Variants in PLXDC2 observed in about 807,000 individuals in gnomAD.
PLXDC2 encodes plexin domain-containing protein 2.
Under a neutral mutation model 68.9 loss-of-function variants are expected in PLXDC2, and 40 were observed. The ratio of observed to expected loss-of-function variants is 0.58; its 90% CI spans 0.45 to 0.76. The LOEUF (loss-of-function observed/expected upper bound fraction) is 0.76. Among genes scored for constraint, PLXDC2 ranks in the 30% least tolerant of loss-of-function variants. The probability of loss-of-function intolerance (pLI) is 0.00; values close to 1 mark genes in which losing one functional copy is unlikely to be tolerated. For synonymous variants in PLXDC2, 243 were observed against 234.2 expected, an observed-to-expected ratio of 1.04 and a Z score of -0.34; for missense variants, 644 against 661.9, an observed-to-expected ratio of 0.97 and a Z score of 0.30.
At chr10:19,886,912 GTC>G (rs1322729956) in intron 1 of PLXDC2, among the ~76,000 whole-genome samples, 1 of 152,186 alleles carries the variant, frequency 6.6e-6, no homozygotes, top group African/African-American at 2.4e-5. Flanking sequence ...TCTGTATTCA[GTC>G]TCTTATGCTA....
At chr10:20,022,590 G>A (rs10827932) in intron 2 of PLXDC2, among the ~76,000 whole-genome samples, 60,532 of 151,778 alleles carry the variant, frequency 0.4, 12,092 homozygotes, top group African/African-American at 0.43. Context: ...GCTTTCTAGA[G>A]TAAGGATTAG....
At chr10:20,171,378 C>T (rs1335192338) in intron 7 of PLXDC2, among the ~76,000 whole-genome samples, 1 of 152,118 alleles carries the variant, frequency 6.6e-6, no homozygotes, top group Non-Finnish European at 1.5e-5. Context: ...GATAAAATTG[C>T]TTCTCTTAAC....
intron 6 of PLXDC2, among the ~76,000 whole-genome samples, chr10:20,161,895 G>T (rs924289644): frequency 1.3e-5 from 2 of 151,986 alleles, no homozygotes; most frequent in African/African-American, 2.4e-5. Flanking sequence ...GCTGGGCGCA[G>T]TGTCACTTGC....
At chr10:19,934,395 C>T (rs1329050446) in intron 1 of PLXDC2, among the ~76,000 whole-genome samples, 2 of 152,166 alleles carry the variant, frequency 1.3e-5, no homozygotes, top group Non-Finnish European at 2.9e-5. Context: ...TTGGTACTTC[C>T]GTGTAATGAC....
chr10:20,088,168 ACT>A (rs1474519944), intron 4 of PLXDC2, among the ~76,000 whole-genome samples: 1 of 152,160 alleles, frequency 6.6e-6, no homozygotes, highest in Non-Finnish European at 1.5e-5. Context: ...ATCTACTTTA[ACT>A]CTGCTTCTGA....
At chr10:20,228,856 AG>A (rs1265347492) in intron 12 of PLXDC2, among the ~76,000 whole-genome samples, 7 of 152,152 alleles carry the variant, frequency 4.6e-5, no homozygotes, top group Non-Finnish European at 1.0e-4. Flanking sequence ...GCTGCAGACA[AG>A]TCAAGTTAAA....
intron 1 of PLXDC2, among the ~76,000 whole-genome samples, chr10:19,910,529 A>C (rs1417847980): frequency 6.7e-6 from 1 of 149,388 alleles, no homozygotes; most frequent in Non-Finnish European, 1.5e-5. Flanking sequence ...TAGAGCTCTG[A>C]TAACTACCCT....
intron 2 of PLXDC2, among the ~76,000 whole-genome samples, chr10:20,023,064 G>A (rs899685292): frequency 1.4e-5 from 2 of 148,142 alleles, no homozygotes; most frequent in Admixed American, 6.8e-5. Context: ...TTTTGGAAAA[G>A]TAATGGCATT....
intron 1 of PLXDC2, among the ~76,000 whole-genome samples, chr10:19,912,418 G>C (rs1833290420): frequency 6.6e-6 from 1 of 152,146 alleles, no homozygotes; most frequent in Admixed American, 6.6e-5. Context: ...AACATGAAGA[G>C]AATGGGACTT....
At chr10:19,994,270 TTTTTTTAACCA>T (rs1834802647) in intron 1 of PLXDC2, among the ~76,000 whole-genome samples, 2 of 132,388 alleles carry the variant, frequency 1.5e-5, no homozygotes, top group South Asian at 2.3e-4. Context: ...TTTTTTTTTT[TTTTTTTAACCA>T]TTTTCTCTGA....
intron 1 of PLXDC2, among the ~76,000 whole-genome samples, chr10:19,855,735 A>G (rs184798065): frequency 9.2e-5 from 14 of 152,298 alleles, no homozygotes; most frequent in Admixed American, 4.6e-4. Context: ...TCTATATTAA[A>G]TAAACTAATA....
chr10:19,820,761 A>C (rs534144876), intron 1 of PLXDC2, among the ~76,000 whole-genome samples: 1 of 151,940 alleles, frequency 6.6e-6, no homozygotes, highest in South Asian at 2.1e-4. Context: ...GTTGATCAAC[A>C]GCCTTGATCA....
intron 7 of PLXDC2, among the ~76,000 whole-genome samples, chr10:20,171,144 A>G (rs1043404694): frequency 2.0e-5 from 3 of 152,142 alleles, no homozygotes; most frequent in African/African-American, 7.2e-5. Context: ...TACGAAAAAT[A>G]CAAATAATCT....
intron 1 of PLXDC2, among the ~76,000 whole-genome samples, chr10:19,821,421 G>A (rs1836464328): frequency 6.6e-6 from 1 of 152,220 alleles, no homozygotes; most frequent in Non-Finnish European, 1.5e-5. Flanking sequence ...AATTCTCAGT[G>A]CACTTTATGC....
chr10:20,066,836 T>G (rs188802527), intron 3 of PLXDC2, among the ~76,000 whole-genome samples: 2 of 152,228 alleles, frequency 1.3e-5, no homozygotes, highest in Admixed American at 6.5e-5. Flanking sequence ...CATTAAAAAT[T>G]TGTGTATTGG....
chr10:20,272,152 G>A (rs993987496), intron 13 of PLXDC2, among the ~76,000 whole-genome samples: 5 of 152,066 alleles, frequency 3.3e-5, no homozygotes, highest in Admixed American at 3.3e-4. Flanking sequence ...AAAGATTTGG[G>A]AACACTTGGA....
intron 4 of PLXDC2, among the ~76,000 whole-genome samples, chr10:20,090,490 A>C (rs893829658): frequency 6.6e-6 from 1 of 152,032 alleles, no homozygotes; most frequent in Non-Finnish European, 1.5e-5. Flanking sequence ...TGGAAACAAT[A>C]TTGTCCATAT....
At chr10:19,930,259 G>A (rs1476176921) in intron 1 of PLXDC2, among the ~76,000 whole-genome samples, 1 of 152,092 alleles carries the variant, frequency 6.6e-6, no homozygotes, top group East Asian at 1.9e-4. Flanking sequence ...TGTCTCAGTT[G>A]GAAACAGTAG....
intron 7 of PLXDC2, among the ~76,000 whole-genome samples, chr10:20,176,367 C>G (rs950112373): frequency 6.8e-6 from 1 of 147,460 alleles, no homozygotes; most frequent in Non-Finnish European, 1.5e-5. Context: ...AGCTAATTAA[C>G]ACATTCATCA....
Sources: allele counts gnomAD v4.1 joint callset (sites outside exome capture counted in the v4.1 genomes callset), GRCh38; gene constraint gnomAD v4.1.1; transcripts MANE v1.5; gene names NCBI Gene and HGNC (gene_info 2026-07-23, HGNC 2026-07-21).